The following PAH variants were observed in gnomAD, a reference collection of about 807,000 sequenced individuals.
PAH encodes the protein phenylalanine-4-hydroxylase.
In PAH, 64 loss-of-function variants were observed where a neutral mutation model predicts 62.0. The ratio of observed to expected loss-of-function variants is 1.03; its 90% CI spans 0.84 to 1.27. The LOEUF (loss-of-function observed/expected upper bound fraction) is 1.27, where lower values mean the gene tolerates loss of function less well. Among genes scored for constraint, PAH ranks in the 50% most tolerant of loss-of-function variants. The pLI is 0.00. For synonymous variants in PAH, 195 were observed against 196.2 expected (o/e 0.99, Z 0.05); for missense variants, 579 against 542.8 (o/e 1.07, Z -0.66).
chr12:102,890,443 G>A (rs73391513), intron 3 of PAH, among the ~76,000 whole-genome samples: 8,211 of 152,220 alleles, frequency 0.054, 780 homozygotes, highest in African/African-American at 0.19. Context: ...CCCACTTCAC[G>A]GAAACTACCA....
intron 5 of PAH, among the ~76,000 whole-genome samples, chr12:102,860,873 T>C (rs1875683831): frequency 6.6e-6 from 1 of 152,130 alleles, no homozygotes; most frequent in African/African-American, 2.4e-5. Context: ...CCTAAAACCA[T>C]AAAAACCCTA....
chr12:102,844,357 C>T lies in PAH; in HGVS notation c.1044G>A (p.Leu348=). The T allele has an allele frequency of 6.2e-7, 1 of 1,613,154 alleles. No homozygotes were observed. The highest frequency in any genetic ancestry group is 8.5e-7 in the Non-Finnish European group (1 of 1,179,118). ...ATACCTGTAATTCACCAAAGGATGACAGGAGCCCAGCACCATATGCCTTTA... is the reference window on the plus strand; with the variant it reads ...ATACCTGTAATTCACCAAAGGATGATAGGAGCCCAGCACCATATGCCTTTA... ...DSIKAYGAGL[L]SSFGELQYCL... Residue 348 remains leucine, a synonymous_variant, in exon 10 of 13, where the codon CTG becomes CTA. Transcript: ENST00000553106.
intron 1 of PAH, among the ~76,000 whole-genome samples, chr12:102,949,241 C>A (rs568205125): frequency 1.5e-4 from 23 of 152,224 alleles, no homozygotes; most frequent in African/African-American, 5.3e-4. Flanking sequence ...TCATGCTGAC[C>A]CAATGACATT....
intron 1 of PAH, among the ~76,000 whole-genome samples, chr12:102,931,301 A>G (rs1476701232): frequency 1.3e-5 from 2 of 152,302 alleles, no homozygotes; most frequent in African/African-American, 4.8e-5. Flanking sequence ...TATGTGAGTC[A>G]GACAAAATAA....
In PAH at chr12:102,867,883, GTATATACATATATAGATGTATATATACA is replaced by G. The variant is rs1876055058; in HGVS notation, c.442-1248_442-1221del. 2.9e-5 allele frequency among the ~76,000 whole-genome samples: 4 copies of G among 138,864 alleles called. No individual in the cohort carries two copies. In the Admixed American group the frequency reaches 2.9e-4, roughly 10 times the overall value. 91.1% of individuals were successfully genotyped at this position (138,864 alleles called of 152,430 possible). A position where few individuals can be genotyped will look rare whatever the true frequency, so the allele number is the denominator to read the frequency against. The stretch of plus-strand genomic sequence containing the variant: ...TACATATATAGATGTATATATACAT[GTATATACATATATAGATGTATATATACA>G]TGTATATACATATATAGATGTATAT... On this transcript the variant is annotated intron_variant, in intron 4 of 12. Transcript: ENST00000553106.
intron 3 of PAH, among the ~76,000 whole-genome samples, chr12:102,890,180 C>T (rs1877217208): frequency 6.6e-6 from 1 of 152,104 alleles, no homozygotes; most frequent in Non-Finnish European, 1.5e-5. Context: ...GGTTTAAAAA[C>T]TAGAGTGGAA....
At chr12:102,947,187 ATG>A (rs142593696) in intron 1 of PAH, among the ~76,000 whole-genome samples, 7 of 151,594 alleles carry the variant, frequency 4.6e-5, no homozygotes, top group Admixed American at 1.3e-4. Context: ...GTGTGTGTAT[ATG>A]TGTGTGTGTG....
chr12:102,903,987 G>A (rs1387754348), intron 2 of PAH, among the ~76,000 whole-genome samples: 1 of 152,116 alleles, frequency 6.6e-6, no homozygotes, highest in Non-Finnish European at 1.5e-5. Flanking sequence ...AGCTAGTAGA[G>A]GCTAAAAATA....
chr12:102,839,709 G>C (rs1874503798), intron 12 of PAH, among the ~76,000 whole-genome samples: 1 of 152,182 alleles, frequency 6.6e-6, no homozygotes, highest in Non-Finnish European at 1.5e-5. Flanking sequence ...TCAAATTTTA[G>C]AATCCATGGT....
At chr12:102,891,697 T>G (rs1204926786) in intron 3 of PAH, among the ~76,000 whole-genome samples, 1 of 152,130 alleles carries the variant, frequency 6.6e-6, no homozygotes, top group Admixed American at 6.5e-5. Context: ...ACACCGAGTG[T>G]GGTCGCCGTG....
intron 1 of PAH, among the ~76,000 whole-genome samples, chr12:102,947,255 G>A (rs1879537543): frequency 6.6e-6 from 1 of 152,086 alleles, no homozygotes; most frequent in South Asian, 2.1e-4. Flanking sequence ...CTGTGAGAGA[G>A]TGGTGAGAGT....
intron 1 of PAH, among the ~76,000 whole-genome samples, chr12:102,928,440 A>C (rs889980073): frequency 6.6e-6 from 1 of 152,184 alleles, no homozygotes; most frequent in Non-Finnish European, 1.5e-5. Flanking sequence ...AATATCAGGT[A>C]TGGTGATGTC....
chr12:102,851,458 G>C lies in PAH; in HGVS notation c.912+229C>G, dbSNP rs12831013. 0.042 allele frequency among the ~76,000 whole-genome samples: 6,351 copies of C among 152,280 alleles called. 245 individuals carry two copies. Among genetic ancestry groups the C allele is most frequent in the Admixed American group, 0.12 (1,774 of 15,296 alleles). On this transcript the variant is annotated intron_variant, in intron 8 of 12. Coordinates refer to ENST00000553106, the MANE Select transcript of PAH (RefSeq NM_000277.3). ...GCAGGAAAAATGAGATTAGTACACT[G>C]AAGAACACACATATGATTCAGAGGA... is the stretch of plus-strand genomic sequence containing the variant.
chr12:102,887,055 A>G (rs79323918), intron 3 of PAH, among the ~76,000 whole-genome samples: 5,066 of 152,262 alleles, frequency 0.033, 102 homozygotes, highest in African/African-American at 0.057. Context: ...TGCTAAGGAA[A>G]GAGAGAATTC....
At chr12:102,866,873 G>A (rs188934121) in intron 4 of PAH, among the ~76,000 whole-genome samples, 1 of 152,314 alleles carries the variant, frequency 6.6e-6, no homozygotes, top group East Asian at 1.9e-4. Flanking sequence ...TTTAGCATGA[G>A]CCTCCTTGCT....
At chr12:102,861,973 A>T (rs1477581020) in intron 5 of PAH, among the ~76,000 whole-genome samples, 4 of 151,900 alleles carry the variant, frequency 2.6e-5, no homozygotes, top group African/African-American at 9.7e-5. Flanking sequence ...GTATAAAAAA[A>T]AAAAAAAAAG....
At chr12:102,903,379 C>T (rs910401130) in intron 2 of PAH, among the ~76,000 whole-genome samples, 1 of 125,552 alleles carries the variant, frequency 8.0e-6, no homozygotes. Context: ...AAAACACACA[C>T]ACACACAAAA....
In PAH at chr12:102,884,990, C is replaced by T. The variant is rs1282761197; in HGVS notation, c.353-7440G>A. 4.6e-5 allele frequency among the ~76,000 whole-genome samples: 7 copies of T among 152,114 alleles called. No homozygotes were observed. In the East Asian group the frequency reaches 5.8e-4, roughly 13 times the overall value. The stretch of plus-strand genomic sequence containing the variant: ...CTCAAGATCACTGAGCTAGCTGAGC[C>T]GAAAGAACAATTTTGCAGCCGATGC... On this transcript the variant is annotated intron_variant, in intron 3 of 12. Coordinates refer to ENST00000553106, the MANE Select transcript of PAH (RefSeq NM_000277.3).
chr12:102,852,530 C>T (rs1875199875), intron 7 of PAH, among the ~76,000 whole-genome samples: 1 of 152,218 alleles, frequency 6.6e-6, no homozygotes, highest in Non-Finnish European at 1.5e-5. Flanking sequence ...TCATTTGCAA[C>T]TTCGTAGCTT....
Sources: gnomAD v4.1 joint callset for allele counts (sites outside exome capture counted in the v4.1 genomes callset) on GRCh38, gnomAD v4.1.1 for gene constraint, MANE v1.5 for transcripts, NCBI Gene and HGNC (gene_info 2026-07-23, HGNC 2026-07-21) for gene names.